The following CNGA1 variants were observed in gnomAD, a reference collection of about 807,000 sequenced individuals.
The protein encoded by CNGA1 is cyclic nucleotide gated channel subunit alpha 1, also known as cyclic nucleotide-gated channel alpha-1.
In CNGA1, 53 loss-of-function variants were observed where a neutral mutation model predicts 69.7. The ratio of observed to expected loss-of-function variants is 0.76; its 90% CI spans 0.61 to 0.96. CNGA1 has a LOEUF of 0.96. Among genes scored for constraint, CNGA1 ranks in the 40% least tolerant of loss-of-function variants. The pLI is 0.00. For synonymous variants in CNGA1, 249 were observed against 283.5 expected (o/e 0.88, Z 1.22); for missense variants, 739 against 811.2 (o/e 0.91, Z 1.08).
chr4:47,962,869 A>G (rs1740529200), intron 3 of CNGA1, among the ~76,000 whole-genome samples: 1 of 152,220 alleles, frequency 6.6e-6, no homozygotes, highest in African/African-American at 2.4e-5. Flanking sequence ...AAAATAAACC[A>G]AAGACTACGT....
chr4:48,012,861 C>T (rs1715229799), intron 1 of CNGA1: 2 of 151,764 alleles, frequency 1.3e-5, no homozygotes, highest in Admixed American at 1.3e-4. Flanking sequence ...TAACTTTAAC[C>T]AAGACAAACC....
intron 2 of CNGA1, 116 bp downstream of exon 2, chr4:48,010,678 T>TG (rs1715115127): frequency 6.5e-6 from 1 of 153,406 alleles, no homozygotes; most frequent in Non-Finnish European, 1.4e-5. Context: ...CAGTGACTAG[T>TG]GTTCAGCTCG....
At chr4:48,012,831 G>A (rs534372928) in intron 1 of CNGA1, 1 of 152,038 alleles carries the variant, frequency 6.6e-6, no homozygotes, top group South Asian at 2.1e-4. Flanking sequence ...GAGAAATTAA[G>A]ACCAGTTGGT....
At chr4:48,014,215 CG>C in intron 1 of CNGA1, among the ~76,000 whole-genome samples, 1 of 151,920 alleles carries the variant, frequency 6.6e-6, no homozygotes, top group Non-Finnish European at 1.5e-5. Flanking sequence ...CATGATTTTG[CG>C]GGGGAATAAA....
intron 2 of CNGA1, among the ~76,000 whole-genome samples, chr4:48,002,954 A>G (rs1714729157): frequency 2.0e-5 from 3 of 152,168 alleles, no homozygotes; most frequent in African/African-American, 7.2e-5. Flanking sequence ...TAGCCTAAAT[A>G]TCTTTCAAAG....
Position 48,005,105 on chromosome 4 carries a change from ATTATTTAT to A in CNGA1, c.-123+5681_-123+5688del, listed in dbSNP as rs58158986. Among the ~76,000 whole-genome samples the A allele has an allele frequency of 1.4e-4, 20 of 145,488 alleles. No homozygotes were observed. In the East Asian group the frequency reaches 1.6e-3, roughly 12 times the overall value. On this transcript the variant is annotated intron_variant, in intron 2 of 10. Coordinates refer to ENST00000514170, the MANE Select transcript of CNGA1 (RefSeq NM_001379270.1). ...CGTGGTTGGACTGATTTGCTTTTTT[ATTATTTAT>A]TTATTTATTTATTTATTTATTTGAG...
chr4:47,948,554 C>T (rs1739561182), intron 6 of CNGA1, among the ~76,000 whole-genome samples: 1 of 152,106 alleles, frequency 6.6e-6, no homozygotes, highest in South Asian at 2.1e-4. Context: ...CAGGGAATGC[C>T]AGAGTTCCAT....
rs758549952 is a variant in CNGA1 at position 47,938,993 on chromosome 4, G to GAGAA, written c.653-1168_653-1165dup. 3.7e-3 allele frequency among the ~76,000 whole-genome samples: 522 copies of GAGAA among 140,452 alleles called. 2 individuals are homozygous for GAGAA. The highest frequency in any genetic ancestry group is 0.012 in the African/African-American group (445 of 36,046). 92.1% of individuals were successfully genotyped at this position (140,452 alleles called of 152,430 possible). ...GAAAGAAAGAAAAGAAAGAAAGAAAGAGAAAGAAAGAAAGAAAGAGAAAGA... is the reference window on the plus strand; with the variant it reads ...GAAAGAAAGAAAAGAAAGAAAGAAAGAGAAAGAAAGAAAGAAAGAAAGAGAAAGA... On this transcript the variant is annotated intron_variant, in intron 10 of 10. Coordinates refer to ENST00000514170, the MANE Select transcript of CNGA1 (RefSeq NM_001379270.1).
chr4:47,978,790 C>T (rs76126057), intron 3 of CNGA1, among the ~76,000 whole-genome samples: 2 of 152,000 alleles, frequency 1.3e-5, no homozygotes, highest in Non-Finnish European at 2.9e-5. Context: ...CTATTTTGCC[C>T]ATTAATTTCA....
intron 2 of CNGA1, among the ~76,000 whole-genome samples, chr4:48,003,601 T>C (rs561805285): frequency 2.0e-5 from 3 of 152,322 alleles, no homozygotes; most frequent in Admixed American, 2.0e-4. Context: ...TATTAATCAT[T>C]AGTTTGTAGC....
At chr4:47,989,559 T>C (rs903118688) in intron 2 of CNGA1, among the ~76,000 whole-genome samples, 2 of 152,196 alleles carry the variant, frequency 1.3e-5, no homozygotes, top group Non-Finnish European at 2.9e-5. Flanking sequence ...TGAATTTAAA[T>C]GACCTTGAAA....
rs761590177 is a variant in CNGA1, at chr4:47,943,242, T to G, written c.376A>C (p.Lys126Gln). 5 of 1,590,394 alleles carry G rather than the reference T, an allele frequency of 3.1e-6. No individual in the cohort carries two copies. In the Admixed American group the frequency reaches 8.9e-5, roughly 28 times the overall value. ...TTCTTCTCTTTGTCCTTTTTCTTCT[T>G]TTTCTTCTCTGGGTCGTTTTTATTT... ...NENKNDPEKK[K>Q]KKKDKEKKKK... The change falls in exon 8 of 11, where the codon AAG becomes CAG. Residue 126 changes from lysine (K) to glutamine (Q), a missense_variant. Coordinates refer to ENST00000514170, the MANE Select transcript of CNGA1 (RefSeq NM_001379270.1).
At chr4:47,979,133 C>T (rs1384893218) in intron 3 of CNGA1, among the ~76,000 whole-genome samples, 2 of 152,096 alleles carry the variant, frequency 1.3e-5, no homozygotes, top group East Asian at 3.9e-4. Flanking sequence ...CCAGCCTGGG[C>T]AACATGGCAA....
At chr4:48,014,290 T>C (rs1198705519) in intron 1 of CNGA1, among the ~76,000 whole-genome samples, 2 of 152,302 alleles carry the variant, frequency 1.3e-5, no homozygotes. Context: ...CCCAAAGTCA[T>C]CTAGAAATTA....
intron 1 of CNGA1, among the ~76,000 whole-genome samples, chr4:48,015,498 C>T (rs1160920911): frequency 1.3e-5 from 2 of 152,118 alleles, no homozygotes; most frequent in East Asian, 1.9e-4. Context: ...CAAAGGCTAC[C>T]TGAGTACATG....
intron 10 of CNGA1, among the ~76,000 whole-genome samples, chr4:47,938,631 T>C (rs905633725): frequency 1.3e-5 from 2 of 152,116 alleles, no homozygotes; most frequent in African/African-American, 4.8e-5. Context: ...GACCTCGTGA[T>C]CCACCTGCCT....
chr4:47,981,868 T>C (rs903509672), intron 2 of CNGA1, among the ~76,000 whole-genome samples: 5 of 152,214 alleles, frequency 3.3e-5, no homozygotes, highest in African/African-American at 1.2e-4. Context: ...GTCTAGGTTT[T>C]TTACAAAGTA....
chr4:47,958,768 G>A (rs1048405915), intron 3 of CNGA1, among the ~76,000 whole-genome samples: 1 of 152,120 alleles, frequency 6.6e-6, no homozygotes, highest in Non-Finnish European at 1.5e-5. Flanking sequence ...GCTAGATTGT[G>A]AGCTCTTCGG....
In CNGA1 at chr4:47,942,167, A is replaced by G; in HGVS notation, c.438-19T>C. 1 of 1,447,832 alleles carries G rather than the reference A, an allele frequency of 6.9e-7. No individual in the cohort carries two copies. The highest frequency in any genetic ancestry group is 1.1e-5 in the South Asian group (1 of 87,666). 89.7% of individuals were successfully genotyped at this position (1,447,832 alleles called of 1,614,324 possible). A position where few individuals can be genotyped will look rare whatever the true frequency, so the allele number is the denominator to read the frequency against. On this transcript the variant is annotated intron_variant, in intron 8 of 10. Coordinates refer to ENST00000514170, the MANE Select transcript of CNGA1 (RefSeq NM_001379270.1). Reference sequence around the variant, plus strand: ...CTTCTCCCTAGCGGCAATTAGAAATAAAGGGGATAGTTACCAAGATACAAG... The same window carrying G: ...CTTCTCCCTAGCGGCAATTAGAAATGAAGGGGATAGTTACCAAGATACAAG...
Sources: allele counts gnomAD v4.1 joint callset (sites outside exome capture counted in the v4.1 genomes callset), GRCh38; gene constraint gnomAD v4.1.1; transcripts MANE v1.5; gene names NCBI Gene and HGNC (gene_info 2026-07-23, HGNC 2026-07-21).